The following HHAT variants were observed in gnomAD, a reference collection of about 807,000 sequenced individuals.
HHAT encodes the protein hedgehog acyltransferase, also known as protein-cysteine N-palmitoyltransferase HHAT.
Under a neutral mutation model 70.8 loss-of-function variants are expected in HHAT, and 47 were observed. The observed-to-expected ratio is 0.66, with a 90% CI of 0.53 to 0.85. The LOEUF is 0.85. Ranked by LOEUF, HHAT falls within the 40% of genes least tolerant of loss-of-function variation. HHAT has a pLI of 0.00. For missense variants in HHAT, 609 were observed against 604.8 expected (o/e 1.01, Z -0.07); for synonymous variants, 228 against 247.6 (o/e 0.92, Z 0.74).
At chr1:210,463,772 C>T (rs2094033101) in intron 7 of HHAT, among the ~76,000 whole-genome samples, 1 of 152,228 alleles carries the variant, frequency 6.6e-6, no homozygotes, top group South Asian at 2.1e-4. Flanking sequence ...CTCTCAGCAG[C>T]TGTGCCTGGT....
At chr1:210,462,331 C>T (rs2093996384) in intron 7 of HHAT, 1 of 152,162 alleles carries the variant, frequency 6.6e-6, no homozygotes. Flanking sequence ...GCGCTTTAAT[C>T]AGTCATTCTT....
chr1:210,641,708 C>G (rs1162625772), intron 11 of HHAT, among the ~76,000 whole-genome samples: 1 of 152,170 alleles, frequency 6.6e-6, no homozygotes, highest in Non-Finnish European at 1.5e-5. Flanking sequence ...CTTCACTCAG[C>G]GAAACTGAGC....
At position 210,646,505 on chromosome 1, in the gene HHAT, T is replaced by C. The variant is rs537443118; in HGVS notation, c.1390+22835T>C. On this transcript the variant is annotated intron_variant, in intron 11 of 11. Coordinates refer to ENST00000261458, the MANE Select transcript of HHAT (RefSeq NM_018194.6). Reference sequence around the variant, plus strand: ...GATTAAAAGTCAAGACAAAAGCCCGTAAGACAAGAAGACACTGAATCCTAT... The same window carrying C: ...GATTAAAAGTCAAGACAAAAGCCCGCAAGACAAGAAGACACTGAATCCTAT... Among the ~76,000 whole-genome samples, 11 of 152,298 alleles carry C rather than the reference T, an allele frequency of 7.2e-5. No individual in the cohort carries two copies. In the East Asian group the frequency reaches 2.1e-3, roughly 29 times the overall value.
At chr1:210,405,063 T>C (rs2092272388) in intron 6 of HHAT, among the ~76,000 whole-genome samples, 1 of 152,218 alleles carries the variant, frequency 6.6e-6, no homozygotes, top group African/African-American at 2.4e-5. Flanking sequence ...GTCTAAGCTG[T>C]TGCTTGGCAA....
intron 1 of HHAT, among the ~76,000 whole-genome samples, chr1:210,346,227 A>G (rs921730825): frequency 1.3e-5 from 2 of 152,198 alleles, no homozygotes; most frequent in East Asian, 3.8e-4. Context: ...TTCAGTCTAC[A>G]AGATCATTTG....
Position 210,382,428 on chromosome 1 carries a change from A to C in HHAT, c.160-5040A>C, listed in dbSNP as rs546853407. Among the ~76,000 whole-genome samples, 273 of 152,298 alleles carry C rather than the reference A, an allele frequency of 1.8e-3. 1 individual carries two copies. The highest frequency in any genetic ancestry group is 3.0e-3 in the Non-Finnish European group (203 of 68,024). The stretch of plus-strand genomic sequence containing the variant: ...TTTCCAAGTTTAAACAGAGGGAGAA[A>C]TGTGACAAGTACTAGATAGGCTGAT... On this transcript the variant is annotated intron_variant, in intron 3 of 11. Coordinates refer to ENST00000261458, the MANE Select transcript of HHAT (RefSeq NM_018194.6).
At chr1:210,500,065 A>G (rs2094724495) in intron 8 of HHAT, among the ~76,000 whole-genome samples, 1 of 152,204 alleles carries the variant, frequency 6.6e-6, no homozygotes, top group Admixed American at 6.5e-5. Flanking sequence ...AAGCCTGTGT[A>G]CCTCATTCCA....
intron 3 of HHAT, among the ~76,000 whole-genome samples, chr1:210,370,990 C>T (rs73071940): frequency 4.6e-5 from 7 of 152,128 alleles, no homozygotes; most frequent in East Asian, 1.9e-4. Context: ...TAACATCTTA[C>T]ATTTTTCCTA....
intron 10 of HHAT, among the ~76,000 whole-genome samples, chr1:210,607,585 G>A (rs1005666122): frequency 8.5e-5 from 13 of 152,122 alleles, no homozygotes; most frequent in African/African-American, 2.4e-4. Flanking sequence ...TGGAGAGGGA[G>A]GCCCCCAGTA....
At chr1:210,341,459 T>A (rs1451098656) in intron 1 of HHAT, among the ~76,000 whole-genome samples, 1 of 152,212 alleles carries the variant, frequency 6.6e-6, no homozygotes, top group East Asian at 1.9e-4. Flanking sequence ...TGTGCTGTAC[T>A]TTTCTTCCAA....
rs1485201545 is a variant in HHAT, at chr1:210,362,875, G to A, written c.115G>A (p.Glu39Lys). Residue 39 changes from glutamate to lysine, a missense_variant, in exon 3 of 12, where the codon GAA becomes AAA. Glu to Lys is a moderately conservative substitution (Grantham distance 56). Transcript: ENST00000261458. ...AGAACACGAAGAGGAGCTGGACCAGGAATTTGAGCTGGAGACTGACACTTT... is the reference window on the plus strand; with the variant it reads ...AGAACACGAAGAGGAGCTGGACCAGAAATTTGAGCTGGAGACTGACACTTT... The part of the protein sequence containing the change: ...SREHEEELDQ[E>K]FELETDTLFG... 2 of 1,613,864 alleles carry A rather than the reference G, an allele frequency of 1.2e-6. No homozygotes were observed. The highest frequency in any genetic ancestry group is 1.7e-5 in the Admixed American group (1 of 60,000).
intron 7 of HHAT, among the ~76,000 whole-genome samples, chr1:210,432,285 A>T (rs2093268465): frequency 6.6e-6 from 1 of 151,898 alleles, no homozygotes; most frequent in South Asian, 2.1e-4. Context: ...ATAGAACTTT[A>T]GAGAATGTTA....
chr1:210,571,917 A>G (rs1036896282), intron 9 of HHAT, among the ~76,000 whole-genome samples: 1 of 152,178 alleles, frequency 6.6e-6, no homozygotes, highest in East Asian at 1.9e-4. Context: ...TAAAATATTA[A>G]TCTCTAATGT....
rs563973972 is a variant in HHAT, at chr1:210,552,620, C to T, written c.1044-35278C>T. On this transcript the variant is annotated intron_variant, in intron 9 of 11. Transcript: ENST00000261458. Reference sequence around the variant, plus strand: ...AATTGAGACACCCTTCACAGTTGTCCTGCCTTGAGTCAAGGGAACTGGATG... The same window carrying T: ...AATTGAGACACCCTTCACAGTTGTCTTGCCTTGAGTCAAGGGAACTGGATG... Among the ~76,000 whole-genome samples, 14 of 152,288 alleles carry T rather than the reference C, an allele frequency of 9.2e-5. No homozygotes were observed. In the East Asian group the frequency reaches 1.9e-3, roughly 21 times the overall value.
At chr1:210,361,654 T>C (rs141684000) in intron 2 of HHAT, among the ~76,000 whole-genome samples, 37 of 152,190 alleles carry the variant, frequency 2.4e-4, no homozygotes, top group African/African-American at 8.7e-4. Flanking sequence ...TCTGGATAGC[T>C]CCTTTTTGGT....
intron 7 of HHAT, among the ~76,000 whole-genome samples, chr1:210,456,173 T>G (rs1235282992): frequency 6.6e-6 from 1 of 152,222 alleles, no homozygotes; most frequent in Non-Finnish European, 1.5e-5. Context: ...AGCCAGAAGT[T>G]TATAGCCCCA....
chr1:210,538,214 G>A (rs1042505236), intron 9 of HHAT, among the ~76,000 whole-genome samples: 1 of 151,936 alleles, frequency 6.6e-6, no homozygotes, highest in Non-Finnish European at 1.5e-5. Context: ...ATTCCTCATT[G>A]ATAGATAGCA....
chr1:210,608,008 C>T (rs930016637), intron 10 of HHAT, among the ~76,000 whole-genome samples: 1 of 152,120 alleles, frequency 6.6e-6, no homozygotes, highest in Non-Finnish European at 1.5e-5. Context: ...TGAAGATGAT[C>T]CTATGATAGT....
intron 7 of HHAT, among the ~76,000 whole-genome samples, chr1:210,437,909 A>T (rs931372262): frequency 3.3e-5 from 5 of 151,880 alleles, no homozygotes; most frequent in Non-Finnish European, 7.3e-5. Flanking sequence ...TACCACTTGA[A>T]ATTCCACCCA....
Sources: gnomAD v4.1 joint callset for allele counts (sites outside exome capture counted in the v4.1 genomes callset) on GRCh38, gnomAD v4.1.1 for gene constraint, MANE v1.5 for transcripts, NCBI Gene and HGNC (gene_info 2026-07-23, HGNC 2026-07-21) for gene names.